The following HDHD2 variants were observed in gnomAD, a reference collection of about 807,000 sequenced individuals.
HDHD2 encodes haloacid dehalogenase-like hydrolase domain-containing protein 2.
HDHD2 carries 26 observed loss-of-function variants against 24.8 expected under a neutral mutation model. That is an observed-to-expected ratio of 1.05 (90% CI 0.77 to 1.45). The LOEUF is 1.45. HDHD2 is among the 40% of genes most tolerant of loss of function. The pLI is 0.00. For missense variants in HDHD2, 299 were observed against 313.4 expected, an observed-to-expected ratio of 0.95 and a Z score of 0.35; for synonymous variants, 128 against 114.9, an observed-to-expected ratio of 1.11 and a Z score of -0.73.
intron 1 of HDHD2, among the ~76,000 whole-genome samples, chr18:47,146,731 G>C (rs1230765664): frequency 6.6e-6 from 1 of 152,002 alleles, no homozygotes; most frequent in East Asian, 1.9e-4. Context: ...AAAAAAGCAA[G>C]TCAAAAAAGA....
At chr18:47,147,255 TAA>T (rs1230105863) in intron 1 of HDHD2, among the ~76,000 whole-genome samples, 1 of 152,140 alleles carries the variant, frequency 6.6e-6, no homozygotes, top group Non-Finnish European at 1.5e-5. Flanking sequence ...AAAAATATAT[TAA>T]GAGCTGTGGT....
chr18:47,150,356 C>A (rs79712753), intron 1 of HDHD2, 22 bp downstream of exon 1: 7,999 of 152,474 alleles, frequency 0.052, 257 homozygotes, highest in East Asian at 0.091. Context: ...TCTTCCTCTT[C>A]AGTCCTACAG....
chr18:47,129,354 T>C (rs191221295), intron 4 of HDHD2, among the ~76,000 whole-genome samples: 7 of 152,224 alleles, frequency 4.6e-5, no homozygotes, highest in South Asian at 4.2e-4. Flanking sequence ...ATATCTTATA[T>C]ACTAGTTCTA....
chr18:47,145,110 A>G (rs565605595), intron 1 of HDHD2, among the ~76,000 whole-genome samples: 1 of 152,362 alleles, frequency 6.6e-6, no homozygotes, highest in Admixed American at 6.5e-5. Context: ...ATAAATCCAC[A>G]TCTAAACCCT....
chr18:47,110,243 T>G (rs2063504792), intron 6 of HDHD2: 2 of 985,340 alleles, frequency 2.0e-6, no homozygotes, highest in Non-Finnish European at 1.2e-6. Flanking sequence ...AGACGCTTCC[T>G]GTCTTATCTT....
chr18:47,108,750 GATTA>G lies in HDHD2; in HGVS notation c.708_711del (p.Asn237HisfsTer5). The G allele has an allele frequency of 6.2e-7, 1 of 1,610,938 alleles. No individual in the cohort carries two copies. Among genetic ancestry groups the G allele is most frequent in the Non-Finnish European group, 8.5e-7 (1 of 1,177,688 alleles). On this transcript the variant is annotated frameshift_variant, in exon 7 of 7. Transcript: ENST00000300605. LOFTEE classifies it high-confidence loss of function. ...CTCTCACAAGTTAAGTAAGGAGGTGGATTAATTTTTTCTTCATCTGATGCTCGAT... is the reference window on the plus strand; with the variant it reads ...CTCTCACAAGTTAAGTAAGGAGGTGGATTTTTTCTTCATCTGATGCTCGAT...
rs372761162 is a variant in HDHD2, at chr18:47,112,974, T to G, written c.676+3A>C. The G allele has an allele frequency of 1.1e-5, 17 of 1,610,924 alleles. No individual in the cohort carries two copies. The highest frequency in any genetic ancestry group is 1.0e-5 in the Non-Finnish European group (12 of 1,177,206). ...GAAAATGCTTTATACAGAAGATACA[T>G]ACCAGTCTTTACTAAGATGCCCAGC... On this transcript the variant is annotated splice_donor_region_variant and intron_variant, in intron 6 of 6. Coordinates refer to ENST00000300605, the MANE Select transcript of HDHD2 (RefSeq NM_032124.5).
intron 3 of HDHD2, among the ~76,000 whole-genome samples, chr18:47,130,731 T>A (rs2063706051): frequency 6.6e-6 from 1 of 152,168 alleles, no homozygotes; most frequent in Non-Finnish European, 1.5e-5. Flanking sequence ...TAGCAACTGA[T>A]GAGGGACTGA....
intron 1 of HDHD2, among the ~76,000 whole-genome samples, chr18:47,142,455 C>T (rs1421929376): frequency 6.6e-6 from 1 of 152,090 alleles, no homozygotes; most frequent in South Asian, 2.1e-4. Flanking sequence ...GCAAAAAAAC[C>T]CCAAAAAACC....
At chr18:47,111,098 A>AT in intron 6 of HDHD2, 1 of 985,390 alleles carries the variant, frequency 1.0e-6, no homozygotes. Flanking sequence ...GTTATTCATG[A>AT]TTTTTCTGAC....
At chr18:47,140,983 T>C (rs185082134) in intron 1 of HDHD2, among the ~76,000 whole-genome samples, 23 of 152,346 alleles carry the variant, frequency 1.5e-4, no homozygotes, top group Admixed American at 4.6e-4. Flanking sequence ...ATTTTCTGTT[T>C]TATTATTCTA....
chr18:47,137,250 T>C (rs1375274080), intron 1 of HDHD2: 3 of 574,072 alleles, frequency 5.2e-6, no homozygotes, highest in Non-Finnish European at 9.9e-6. Flanking sequence ...CATTTGGAAA[T>C]GGAGGCTGAA....
Position 47,107,839 on chromosome 18 carries a change from A to G in HDHD2, c.*843T>C, listed in dbSNP as rs2063486543. 1 of 152,678 alleles carries G rather than the reference A, an allele frequency of 6.5e-6. No homozygotes were observed. Among genetic ancestry groups the G allele is most frequent in the South Asian group, 2.1e-4 (1 of 4,836 alleles). 9.5% of individuals were successfully genotyped at this position (152,678 alleles called of 1,614,324 possible). On this transcript the variant is annotated 3_prime_UTR_variant, in exon 7 of 7. Transcript: ENST00000300605. The stretch of plus-strand genomic sequence containing the variant: ...TACAGTTAATAGGACCCTAGTGGAC[A>G]CTAACTTCAAAAATGCATGGTCTAT...
At chr18:47,138,096 C>A (rs552182174) in intron 1 of HDHD2, among the ~76,000 whole-genome samples, 1 of 140,936 alleles carries the variant, frequency 7.1e-6, no homozygotes, top group Non-Finnish European at 1.5e-5. Context: ...CACTTGAACC[C>A]GGGAAGTGGA....
intron 1 of HDHD2, among the ~76,000 whole-genome samples, chr18:47,141,739 T>C (rs936606836): frequency 6.6e-6 from 1 of 152,258 alleles, no homozygotes; most frequent in Admixed American, 6.5e-5. Flanking sequence ...TGAGCACTTC[T>C]TTGCTTTTGG....
chr18:47,145,265 T>C (rs2063858038), intron 1 of HDHD2, among the ~76,000 whole-genome samples: 1 of 152,228 alleles, frequency 6.6e-6, no homozygotes, highest in African/African-American at 2.4e-5. Flanking sequence ...GATAAGCTGA[T>C]ACTAAAATGT....
chr18:47,134,062 C>A (rs540822249), intron 3 of HDHD2, among the ~76,000 whole-genome samples: 1 of 152,296 alleles, frequency 6.6e-6, no homozygotes, highest in South Asian at 2.1e-4. Flanking sequence ...ATGCCTATGT[C>A]CTGAATGGTA....
rs375283904 is a variant in HDHD2, at chr18:47,108,699, G to C, written c.763C>G (p.Leu255Val). 3 of 1,596,800 alleles carry C rather than the reference G, an allele frequency of 1.9e-6. No individual in the cohort carries two copies. The highest frequency in any genetic ancestry group is 1.1e-5 in the South Asian group (1 of 90,392). The change falls in exon 7 of 7, where the codon CTG becomes GTG. Residue 255 changes from leucine to valine, a missense_variant. By Grantham distance (32) the Leu-to-Val change is conservative (BLOSUM62 1). Transcript: ENST00000300605. Reference protein sequence around the residue: ...ESFPHAVDHILQHLL With the variant: ...ESFPHAVDHIVQHLL Reference sequence around the variant, plus strand: ...ACACTGCTTCACAATAGGTGCTGCAGAATGTGGTCCACAGCATGAGGGAAA... The same window carrying C: ...ACACTGCTTCACAATAGGTGCTGCACAATGTGGTCCACAGCATGAGGGAAA...
chr18:47,139,311 A>C (rs964283799), intron 1 of HDHD2, among the ~76,000 whole-genome samples: 1 of 151,336 alleles, frequency 6.6e-6, no homozygotes, highest in Admixed American at 6.6e-5. Flanking sequence ...TACAAAAAAA[A>C]AAAAATTAGC....
Sources: allele counts gnomAD v4.1 joint callset (sites outside exome capture counted in the v4.1 genomes callset), GRCh38; gene constraint gnomAD v4.1.1; transcripts MANE v1.5; gene names NCBI Gene and HGNC (gene_info 2026-07-23, HGNC 2026-07-21).